NAALADL2: variants seen among roughly 807,000 people sequenced by gnomAD.
NAALADL2 encodes inactive N-acetylated-alpha-linked acidic dipeptidase-like protein 2.
A neutral mutation model predicts 87.2 loss-of-function variants in NAALADL2; 76 were observed. The observed-to-expected ratio is 0.87, with a 90% confidence interval of 0.72 to 1.05. The LOEUF is 1.05. NAALADL2 is among the 50% of genes least tolerant of loss of function. The pLI, the probability that NAALADL2 is intolerant of heterozygous loss-of-function variation, is 0.00. For synonymous variants in NAALADL2, 354 were observed against 331.0 expected (o/e 1.07, Z -0.75); for missense variants, 1,089 against 945.8 (o/e 1.15, Z -1.99).
chr3:174,528,019 A>G (rs2108433096), intron 1 of NAALADL2, among the ~76,000 whole-genome samples: 1 of 152,336 alleles, frequency 6.6e-6, no homozygotes, highest in Non-Finnish European at 1.5e-5. Flanking sequence ...TAACAGCTTC[A>G]TATTCCGACA....
At chr3:175,798,588 G>A (rs1422324987) in intron 13 of NAALADL2, among the ~76,000 whole-genome samples, 1 of 152,050 alleles carries the variant, frequency 6.6e-6, no homozygotes, top group African/African-American at 2.4e-5. Flanking sequence ...AGAAGCAAGT[G>A]TTGGCATACT....
At chr3:174,681,563 T>A (rs1727542294) in intron 2 of NAALADL2, among the ~76,000 whole-genome samples, 1 of 152,130 alleles carries the variant, frequency 6.6e-6, no homozygotes, top group Non-Finnish European at 1.5e-5. Flanking sequence ...CTGTAGATCC[T>A]GGACATTTCT....
intron 1 of NAALADL2, among the ~76,000 whole-genome samples, chr3:175,052,634 T>C (rs1755565371): frequency 6.6e-6 from 1 of 152,236 alleles, no homozygotes; most frequent in African/African-American, 2.4e-5. Context: ...GTTCCTGGCA[T>C]TAAGGTCAGG....
Position 174,757,231 on chromosome 3 carries a change from G to A in NAALADL2, c.-9+19485G>A, listed in dbSNP as rs145945146. 3.0e-3 allele frequency among the ~76,000 whole-genome samples: 450 copies of A among 152,286 alleles called. 2 individuals are homozygous for A. Among genetic ancestry groups the A allele is most frequent in the Middle Eastern group, 0.017 (5 of 294 alleles). On this transcript the variant is annotated intron_variant, in intron 3 of 3. Transcript: ENST00000434257. ...TCATGTCCAGAGAAGGTAAGACAAAGCACGTTTGTTCTGCATAAAAATATG... is the reference window on the plus strand; with the variant it reads ...TCATGTCCAGAGAAGGTAAGACAAAACACGTTTGTTCTGCATAAAAATATG...
At chr3:174,785,764 G>T (rs1442949697) in intron 3 of NAALADL2, among the ~76,000 whole-genome samples, 1 of 152,082 alleles carries the variant, frequency 6.6e-6, no homozygotes, top group African/African-American at 2.4e-5. Context: ...TTTGTCTTAT[G>T]CTGTTTGAAG....
At chr3:175,508,588 G>T (rs922674055) in intron 9 of NAALADL2, among the ~76,000 whole-genome samples, 1 of 152,010 alleles carries the variant, frequency 6.6e-6, no homozygotes, top group East Asian at 1.9e-4. Flanking sequence ...AGTTCTCAAC[G>T]TAATTGTTTT....
intron 5 of NAALADL2, among the ~76,000 whole-genome samples, chr3:175,360,029 T>G (rs1211476541): frequency 6.6e-6 from 1 of 152,168 alleles, no homozygotes; most frequent in Non-Finnish European, 1.5e-5. Context: ...GATGTCTTCT[T>G]AAGAAAGGAG....
At chr3:175,420,641 TCCATA>T (rs1002318385) in intron 5 of NAALADL2, among the ~76,000 whole-genome samples, 1 of 151,990 alleles carries the variant, frequency 6.6e-6, no homozygotes, top group African/African-American at 2.4e-5. Flanking sequence ...AAAAAGTAAC[TCCATA>T]CCAATCCAAG....
chr3:175,182,178 G>C (rs1560129710), intron 2 of NAALADL2, among the ~76,000 whole-genome samples: 2 of 151,828 alleles, frequency 1.3e-5, no homozygotes, highest in African/African-American at 4.8e-5. Flanking sequence ...CTTCTCTGTT[G>C]GCCATCAGTA....
chr3:175,439,651 G>GT (rs1719362658), intron 5 of NAALADL2, among the ~76,000 whole-genome samples: 1 of 148,870 alleles, frequency 6.7e-6, no homozygotes, highest in Non-Finnish European at 1.5e-5. Flanking sequence ...TGTGAAAAAT[G>GT]TTTTTTCATA....
chr3:175,416,614 A>G (rs544606204), intron 5 of NAALADL2, among the ~76,000 whole-genome samples: 1 of 152,302 alleles, frequency 6.6e-6, no homozygotes, highest in Admixed American at 6.5e-5. Context: ...AGAAGAAGTT[A>G]CATTTACTAC....
intron 2 of NAALADL2, among the ~76,000 whole-genome samples, chr3:174,683,625 TTCTGGTG>T (rs1406639962): frequency 7.4e-5 from 7 of 94,566 alleles, no homozygotes; most frequent in Non-Finnish European, 1.2e-4. Context: ...TTAACAGAAC[TTCTGGTG>T]TGTGTGTGTG....
At chr3:175,579,955 T>A (rs1464911779) in intron 10 of NAALADL2, among the ~76,000 whole-genome samples, 1 of 152,184 alleles carries the variant, frequency 6.6e-6, no homozygotes, top group Non-Finnish European at 1.5e-5. Context: ...TCACTCTGTT[T>A]AACCTTATAC....
chr3:175,700,720 G>T (rs749661578), intron 11 of NAALADL2, among the ~76,000 whole-genome samples: 2 of 152,104 alleles, frequency 1.3e-5, no homozygotes, highest in Non-Finnish European at 2.9e-5. Flanking sequence ...AATTGCAAAT[G>T]ATGTAAAGTC....
At chr3:174,781,582 ATACT>A (rs1159929853) in intron 3 of NAALADL2, among the ~76,000 whole-genome samples, 1 of 152,028 alleles carries the variant, frequency 6.6e-6, no homozygotes, top group Non-Finnish European at 1.5e-5. Context: ...GGGGAGGAAA[ATACT>A]TTCTTTTTAG....
chr3:174,754,111 A>G (rs370290367), intron 3 of NAALADL2, among the ~76,000 whole-genome samples: 2 of 152,192 alleles, frequency 1.3e-5, no homozygotes, highest in South Asian at 2.1e-4. Flanking sequence ...AAGACATTCA[A>G]TTTCATGTAT....
intron 4 of NAALADL2, among the ~76,000 whole-genome samples, chr3:175,273,129 A>C (rs1753101066): frequency 6.6e-6 from 1 of 152,106 alleles, no homozygotes; most frequent in Non-Finnish European, 1.5e-5. Context: ...TCTAATTGCA[A>C]AACATTAGGT....
intron 2 of NAALADL2, among the ~76,000 whole-genome samples, chr3:175,211,719 T>C (rs1741793051): frequency 6.6e-6 from 1 of 152,020 alleles, no homozygotes; most frequent in Non-Finnish European, 1.5e-5. Flanking sequence ...TGGGACTTGC[T>C]TGATTAACAA....
At chr3:174,866,446 T>A (rs1045056274) in intron 1 of NAALADL2, among the ~76,000 whole-genome samples, 37 of 151,792 alleles carry the variant, frequency 2.4e-4, no homozygotes, top group Non-Finnish European at 8.9e-5. Flanking sequence ...AAGAATAATT[T>A]AAAAATATAG....
Sources: allele counts gnomAD v4.1 joint callset (sites outside exome capture counted in the v4.1 genomes callset), GRCh38; gene constraint gnomAD v4.1.1; transcripts MANE v1.5; gene names NCBI Gene and HGNC (gene_info 2026-07-23, HGNC 2026-07-21).